MDN1: variants seen among roughly 807,000 people sequenced by gnomAD.
MDN1 encodes midasin.
A neutral mutation model predicts 669.2 loss-of-function variants in MDN1; 266 were observed. The observed-to-expected ratio is 0.40, with a 90% CI of 0.36 to 0.44. The LOEUF (loss-of-function observed/expected upper bound fraction) is 0.44, where lower values mean the gene tolerates loss of function less well. Among genes scored for constraint, MDN1 ranks in the 20% least tolerant of loss-of-function variants. The probability of loss-of-function intolerance (pLI) is 1.00; values close to 1 mark genes in which losing one functional copy is unlikely to be tolerated. For missense variants in MDN1, 5,940 were observed against 6,754.0 expected, an observed-to-expected ratio of 0.88 and a Z score of 4.22; for synonymous variants, 2,385 against 2,457.1, an observed-to-expected ratio of 0.97 and a Z score of 0.87.
chr6:89,719,093 T>C (rs376143278), intron 41 of MDN1, 43 bp downstream of exon 41: 156 of 1,612,202 alleles, frequency 9.7e-5, no homozygotes, highest in Admixed American at 1.8e-4. Flanking sequence ...GAAGAAACCA[T>C]TAAAAAATGT....
Position 89,725,245 on chromosome 6 carries a change from C to T in MDN1, c.5624G>A (p.Gly1875Asp). 6.2e-7 allele frequency: 1 copy of T among 1,614,078 alleles called. No homozygotes were observed. Among genetic ancestry groups the T allele is most frequent in the Non-Finnish European group, 8.5e-7 (1 of 1,179,976 alleles). The stretch of plus-strand genomic sequence containing the variant: ...AGACCTGGGCAAGCCTTTCCTCCCA[C>T]CTCCTTGTCTAAAGGGATTCTGACA... Reference protein sequence around the residue: ...FGCQNPFRQGGGRKGLPRSFL... With the variant: ...FGCQNPFRQGDGRKGLPRSFL... The change falls in exon 38 of 102, where the codon GGT (glycine) becomes GAT (aspartate). Residue 1875 changes from glycine (G) to aspartate (D), a missense_variant. By Grantham distance (94) the Gly-to-Asp change is moderately conservative (BLOSUM62 -1). Coordinates refer to ENST00000369393, the MANE Select transcript of MDN1 (RefSeq NM_014611.3).
chr6:89,817,511 AG>A (rs1276667868), intron 1 of MDN1, among the ~76,000 whole-genome samples: 1 of 152,220 alleles, frequency 6.6e-6, no homozygotes, highest in African/African-American at 2.4e-5. Context: ...GGGTAAAGTC[AG>A]AAAAGTCTTC....
chr6:89,781,004 AAC>A (rs1330901402), intron 10 of MDN1, among the ~76,000 whole-genome samples: 2 of 152,024 alleles, frequency 1.3e-5, no homozygotes, highest in East Asian at 1.9e-4. Flanking sequence ...AACCACTGAG[AAC>A]ACAGAGTGGC....
chr6:89,702,999 A>T (rs977878980), intron 53 of MDN1, among the ~76,000 whole-genome samples: 1 of 151,094 alleles, frequency 6.6e-6, no homozygotes, highest in East Asian at 1.9e-4. Flanking sequence ...GCAATGGCGC[A>T]ATCTCAGCTC....
At chr6:89,766,866 G>C (rs1172545722) in intron 15 of MDN1, among the ~76,000 whole-genome samples, 1 of 152,176 alleles carries the variant, frequency 6.6e-6, no homozygotes, top group Non-Finnish European at 1.5e-5. Context: ...GGGTGGCAAG[G>C]AAGATGAGGA....
chr6:89,751,611 C>A (rs749708215), intron 22 of MDN1, 29 bp from the exon 23 acceptor site: 4 of 1,606,508 alleles, frequency 2.5e-6, no homozygotes, highest in Non-Finnish European at 2.6e-6. Context: ...CAAGGAATAA[C>A]CCACAGTTGT....
intron 11 of MDN1, among the ~76,000 whole-genome samples, chr6:89,777,602 G>A (rs73505585): frequency 1.0e-3 from 156 of 152,278 alleles, no homozygotes; most frequent in African/African-American, 3.5e-3. Context: ...TAATCCCTTA[G>A]TGCTCAGGAG....
chr6:89,720,520 T>C (rs960857419), intron 40 of MDN1, among the ~76,000 whole-genome samples: 2 of 152,158 alleles, frequency 1.3e-5, no homozygotes, highest in African/African-American at 2.4e-5. Context: ...ATTATTTTTC[T>C]TGACCTTGTC....
At chr6:89,796,267 T>C (rs576111350) in intron 2 of MDN1, among the ~76,000 whole-genome samples, 88 of 126,354 alleles carry the variant, frequency 7.0e-4, no homozygotes, top group Non-Finnish European at 7.6e-4. Flanking sequence ...GAGGTTATAG[T>C]GAGCCAAGAT....
At chr6:89,690,209 GAAGA>G in intron 64 of MDN1, 66 bp from the exon 65 acceptor site, 4 of 1,499,338 alleles carry the variant, frequency 2.7e-6, no homozygotes, top group Non-Finnish European at 3.6e-6. Flanking sequence ...AGACTAAAAG[GAAGA>G]AAGAAAAAAG....
At chr6:89,769,602 T>C (rs908459039) in intron 15 of MDN1, among the ~76,000 whole-genome samples, 1 of 152,224 alleles carries the variant, frequency 6.6e-6, no homozygotes, top group Non-Finnish European at 1.5e-5. Flanking sequence ...GCTCAAGTGA[T>C]CTTTTCAAAT....
At chr6:89,809,784 T>TAAAATAAAATAAAATAAAATA (rs370925781) in intron 1 of MDN1, among the ~76,000 whole-genome samples, 2 of 112,578 alleles carry the variant, frequency 1.8e-5, no homozygotes, top group African/African-American at 7.0e-5. Flanking sequence ...TCAAAATAAA[T>TAAAATAAAATAAAATAAAATA]AAATAAAATA....
At chr6:89,667,903 A>G (rs1810374760) in intron 84 of MDN1, 111 bp downstream of exon 84, 1 of 1,364,608 alleles carries the variant, frequency 7.3e-7, no homozygotes, top group Non-Finnish European at 1.0e-6. Context: ...GGCTCTGTAG[A>G]TCACAGATTA....
chr6:89,669,292 A>G (rs1473436061), intron 83 of MDN1, among the ~76,000 whole-genome samples: 1 of 152,242 alleles, frequency 6.6e-6, no homozygotes. Flanking sequence ...TTTAGTATAC[A>G]GTGTTTTCTC....
rs1439256599 is a variant in MDN1, at chr6:89,758,941, A to G, written c.2480T>C (p.Val827Ala). Residue 827 changes from valine to alanine, a missense_variant, in exon 18 of 102, where the codon GTA becomes GCA. Coordinates refer to ENST00000369393, the MANE Select transcript of MDN1 (RefSeq NM_014611.3). ...CAACAAGATCCACTCTCCTTTCTTT[A>G]CAGCCTGAGCTAATGTACCCTAGAA... ...AFVEGTLAQA[V>A]KKGEWILLDE... is the part of the protein sequence containing the mutation. The G allele has an allele frequency of 6.2e-7, 1 of 1,613,838 alleles. No homozygotes were observed. Among genetic ancestry groups the G allele is most frequent in the Non-Finnish European group, 8.5e-7 (1 of 1,179,716 alleles).
chr6:89,760,380 G>A (rs9362676), intron 17 of MDN1, among the ~76,000 whole-genome samples: 56,914 of 151,900 alleles, frequency 0.37, 11,397 homozygotes, highest in East Asian at 0.68. Flanking sequence ...CTCTTTCCCC[G>A]GAGACACACA....
rs576842753 is a variant in MDN1 at position 89,762,232 on chromosome 6, T to C, written c.2356+87A>G. 127 of 1,115,784 alleles carry C rather than the reference T, an allele frequency of 1.1e-4. No homozygotes were observed. The African/African-American group carries it at 1.8e-3, about 16-fold the overall frequency. 69.1% of individuals were successfully genotyped at this position (1,115,784 alleles called of 1,614,324 possible). On this transcript the variant is annotated intron_variant, in intron 16 of 101. Transcript: ENST00000369393. The stretch of plus-strand genomic sequence containing the variant: ...CAAAGTCCTAGAAAGCTCCAATTTG[T>C]ATCGCTTTACTCTTCCCCAAAACTA...
rs764988601 is a variant in MDN1 at position 89,658,605 on chromosome 6, G to A, written c.15021+5C>T. 5.6e-5 allele frequency: 89 copies of A among 1,601,308 alleles called. No homozygotes were observed. The highest frequency in any genetic ancestry group is 7.2e-5 in the Non-Finnish European group (84 of 1,171,520). ...TAACATAAAAAGCCAGACATCTCAT[G>A]ATACCTGGGGCTGGAAACCTTGGTC... On this transcript the variant is annotated splice_donor_5th_base_variant and intron_variant, in intron 89 of 101. Coordinates refer to ENST00000369393, the MANE Select transcript of MDN1 (RefSeq NM_014611.3).
chr6:89,692,872 C>T lies in MDN1; in HGVS notation c.10158G>A (p.Leu3386=). 1 of 1,614,258 alleles carries T rather than the reference C, an allele frequency of 6.2e-7. No individual in the cohort carries two copies. Among genetic ancestry groups the T allele is most frequent in the Non-Finnish European group, 8.5e-7 (1 of 1,180,044 alleles). Residue 3386 remains leucine, a synonymous_variant, in exon 63 of 102, where the codon CTG becomes CTA. Transcript: ENST00000369393. ...CTGGATAGAAGGTGTACTCCTCTGA[C>T]AGCCGCTTCCGGAACTGGTGGTGTG... ...QQSHHQFRKR[L]SEEYTFYPDA...
Sources: allele counts gnomAD v4.1 joint callset (sites outside exome capture counted in the v4.1 genomes callset), GRCh38; gene constraint gnomAD v4.1.1; transcripts MANE v1.5; gene names NCBI Gene and HGNC (gene_info 2026-07-23, HGNC 2026-07-21).